ARHGAP26: variants seen among roughly 807,000 people sequenced by gnomAD.
The protein encoded by ARHGAP26 is Rho GTPase activating protein 26.
ARHGAP26 carries 38 observed loss-of-function variants against 104.8 expected under a neutral mutation model. The ratio of observed to expected loss-of-function variants is 0.36; its 90% CI spans 0.28 to 0.48. The LOEUF (loss-of-function observed/expected upper bound fraction) is 0.48, where lower values mean the gene tolerates loss of function less well. Ranked by LOEUF, ARHGAP26 falls within the 20% of genes least tolerant of loss-of-function variation. ARHGAP26 has a pLI of 0.99. For missense variants in ARHGAP26, 704 were observed against 947.9 expected (o/e 0.74, Z 3.38); for synonymous variants, 341 against 340.0 (o/e 1.00, Z -0.03).
At chr5:143,085,129 G>A (rs1790386842) in intron 17 of ARHGAP26, among the ~76,000 whole-genome samples, 1 of 151,752 alleles carries the variant, frequency 6.6e-6, no homozygotes, top group Admixed American at 6.6e-5. Flanking sequence ...GCGAATTGTG[G>A]TCCCGGCCCC....
At chr5:143,015,639 C>A (rs1235879990) in intron 12 of ARHGAP26, among the ~76,000 whole-genome samples, 1 of 152,120 alleles carries the variant, frequency 6.6e-6, no homozygotes, top group Non-Finnish European at 1.5e-5. Context: ...GGGATGGATG[C>A]CAAGCAGGCT....
chr5:142,892,256 T>A (rs2152426392), intron 5 of ARHGAP26, among the ~76,000 whole-genome samples: 1 of 152,044 alleles, frequency 6.6e-6, no homozygotes, highest in African/African-American at 2.4e-5. Context: ...TCTTTTTCAC[T>A]GTAAGAATCT....
chr5:142,992,697 A>G (rs1206719475), intron 11 of ARHGAP26, among the ~76,000 whole-genome samples: 1 of 152,160 alleles, frequency 6.6e-6, no homozygotes. Context: ...AAGTGCTAGC[A>G]TTACAGGCAT....
intron 1 of ARHGAP26, among the ~76,000 whole-genome samples, chr5:142,788,932 T>C (rs1305429699): frequency 6.6e-6 from 1 of 152,242 alleles, no homozygotes; most frequent in Non-Finnish European, 1.5e-5. Context: ...CTTAATGAGG[T>C]ATGTACTGCT....
chr5:142,961,422 G>T (rs985883224), intron 11 of ARHGAP26, among the ~76,000 whole-genome samples: 1 of 152,138 alleles, frequency 6.6e-6, no homozygotes, highest in Non-Finnish European at 1.5e-5. Context: ...AGGTTGGGAG[G>T]TGGAGGGTGC....
chr5:143,227,052 A>C lies in ARHGAP26; in HGVS notation c.*4606A>C, dbSNP rs796292518. On this transcript the variant is annotated 3_prime_UTR_variant, in exon 23 of 23. Coordinates refer to ENST00000645722, the MANE Select transcript of ARHGAP26 (RefSeq NM_001135608.3). ...TGAGGGGGAGAAAGACAGAAAGAAG[A>C]AGCCAAAGATAACCTGATCCCTGCC... The C allele has an allele frequency of 4.3e-5, 10 of 230,460 alleles. No homozygotes were observed. Among genetic ancestry groups the C allele is most frequent in the African/African-American group, 2.0e-4 (9 of 45,298 alleles). The allele number at this position is 230,460 out of a possible 1,614,324, so 14.3% of individuals were successfully genotyped here. A position where few individuals can be genotyped will look rare whatever the true frequency, so the allele number is the denominator to read the frequency against.
At chr5:143,009,708 G>A (rs1778470996) in intron 11 of ARHGAP26, among the ~76,000 whole-genome samples, 1 of 152,118 alleles carries the variant, frequency 6.6e-6, no homozygotes, top group Admixed American at 6.5e-5. Flanking sequence ...GATACTTGTT[G>A]GCACGGATCT....
chr5:142,928,387 G>A lies in ARHGAP26; in HGVS notation c.1029-3660G>A, dbSNP rs116535692. 4.4e-3 allele frequency among the ~76,000 whole-genome samples: 672 copies of A among 152,260 alleles called. 7 individuals are homozygous for A. Among genetic ancestry groups the A allele is most frequent in the African/African-American group, 0.015 (638 of 41,544 alleles). ...GGATTAGCTCGTTGCCTAGAGTAGC[G>A]TTGTAAGCCCTCATATTTATGAAGC... On this transcript the variant is annotated intron_variant, in intron 10 of 22. Coordinates refer to ENST00000645722, the MANE Select transcript of ARHGAP26 (RefSeq NM_001135608.3).
chr5:142,956,709 T>A (rs1265239582), intron 11 of ARHGAP26, among the ~76,000 whole-genome samples: 1 of 152,184 alleles, frequency 6.6e-6, no homozygotes, highest in African/African-American at 2.4e-5. Context: ...GATAAAGACA[T>A]AGTTGAGACT....
At chr5:142,857,672 G>A (rs1597937041) in intron 1 of ARHGAP26, among the ~76,000 whole-genome samples, 1 of 152,116 alleles carries the variant, frequency 6.6e-6, no homozygotes. Context: ...GTTTTTCCAC[G>A]GTTCTTCTCT....
chr5:143,118,822 G>A (rs1157055639), intron 17 of ARHGAP26, among the ~76,000 whole-genome samples: 1 of 151,862 alleles, frequency 6.6e-6, no homozygotes, highest in Non-Finnish European at 1.5e-5. Flanking sequence ...ATAGCATTAG[G>A]AGATACACCT....
At chr5:143,184,222 T>C (rs543210468) in intron 20 of ARHGAP26, among the ~76,000 whole-genome samples, 14 of 152,354 alleles carry the variant, frequency 9.2e-5, no homozygotes, top group African/African-American at 3.4e-4. Context: ...AAATGCCAGC[T>C]GTCCCTTCCT....
chr5:143,117,706 G>C (rs1313542674), intron 17 of ARHGAP26, among the ~76,000 whole-genome samples: 1 of 152,148 alleles, frequency 6.6e-6, no homozygotes, highest in Non-Finnish European at 1.5e-5. Flanking sequence ...ATGCCTTTGG[G>C]CACTGGGGCC....
intron 11 of ARHGAP26, among the ~76,000 whole-genome samples, chr5:142,986,293 C>T (rs1774714829): frequency 6.6e-6 from 1 of 152,216 alleles, no homozygotes; most frequent in Non-Finnish European, 1.5e-5. Flanking sequence ...CTGTTGGCTG[C>T]ATAAATGTCT....
chr5:143,154,160 T>TTAAAAAA (rs534282373), intron 20 of ARHGAP26, among the ~76,000 whole-genome samples: 7 of 142,474 alleles, frequency 4.9e-5, no homozygotes, highest in South Asian at 2.2e-4. Flanking sequence ...TTAAAAATAT[T>TTAAAAAA]AAAAAAAAAA....
intron 17 of ARHGAP26, chr5:143,103,201 T>C (rs1425615250): frequency 1.0e-6 from 1 of 983,764 alleles, no homozygotes; most frequent in African/African-American, 1.7e-5. Context: ...TAATTGTGCC[T>C]GGGACCTTAA....
At chr5:142,904,766 T>C (rs1247314013) in intron 8 of ARHGAP26, among the ~76,000 whole-genome samples, 1 of 152,226 alleles carries the variant, frequency 6.6e-6, no homozygotes, top group African/African-American at 2.4e-5. Context: ...ATTCTTCTCC[T>C]AGTCCTTTGG....
intron 20 of ARHGAP26, among the ~76,000 whole-genome samples, chr5:143,176,809 G>T (rs1223293239): frequency 1.3e-5 from 2 of 152,110 alleles, no homozygotes; most frequent in Admixed American, 6.5e-5. Context: ...CCATAAAAGA[G>T]ACTCGGGTGT....
At chr5:143,221,706 A>T (rs1811164054) in intron 22 of ARHGAP26, among the ~76,000 whole-genome samples, 1 of 152,156 alleles carries the variant, frequency 6.6e-6, no homozygotes, top group Non-Finnish European at 1.5e-5. Flanking sequence ...TATATTTTGT[A>T]GAGACAAGGT....
Sources: gnomAD v4.1 joint callset for allele counts (sites outside exome capture counted in the v4.1 genomes callset) on GRCh38, gnomAD v4.1.1 for gene constraint, MANE v1.5 for transcripts, NCBI Gene and HGNC (gene_info 2026-07-23, HGNC 2026-07-21) for gene names.